EIF3E: variants seen among roughly 807,000 people sequenced by gnomAD.
The protein encoded by EIF3E is eIF-3 p48.
In EIF3E, 25 loss-of-function variants were observed where a neutral mutation model predicts 59.3. The observed-to-expected ratio is 0.42, with a 90% confidence interval of 0.31 to 0.59. The LOEUF (loss-of-function observed/expected upper bound fraction) is 0.59. EIF3E is among the 20% of genes least tolerant of loss of function. The pLI, the probability that EIF3E is intolerant of heterozygous loss-of-function variation, is 0.15. For missense variants in EIF3E, 317 were observed against 534.3 expected, an observed-to-expected ratio of 0.59 and a Z score of 4.01; for synonymous variants, 176 against 170.2, an observed-to-expected ratio of 1.03 and a Z score of -0.26.
At chr8:108,229,047 A>G in intron 6 of EIF3E, 23 bp downstream of exon 6, 1 of 1,586,204 alleles carries the variant, frequency 6.3e-7, no homozygotes, top group African/African-American at 1.3e-5. Flanking sequence ...TTCAGAGAAT[A>G]ACTGTGAAAA....
At chr8:108,203,341 G>A (rs1815031048) in intron 11 of EIF3E, 60 bp downstream of exon 11, 2 of 1,480,758 alleles carry the variant, frequency 1.4e-6, no homozygotes, top group African/African-American at 2.8e-5. Context: ...TCCTAGTTAA[G>A]AATTCCCAAA....
chr8:108,202,573 A>G (rs1283307345), intron 12 of EIF3E, among the ~76,000 whole-genome samples: 1 of 152,038 alleles, frequency 6.6e-6, no homozygotes, highest in East Asian at 1.9e-4. Context: ...GATCAGCACT[A>G]ATACATATAA....
intron 10 of EIF3E, 47 bp downstream of exon 10, chr8:108,214,560 C>T: frequency 2.2e-6 from 3 of 1,366,728 alleles, no homozygotes; most frequent in Admixed American, 2.6e-5. Context: ...TGGAAATTTC[C>T]AGGAATTTTA....
chr8:108,240,218 A>C, intron 2 of EIF3E, 143 bp from the exon 3 acceptor site: 2 of 714,658 alleles, frequency 2.8e-6, no homozygotes, highest in South Asian at 3.1e-5. Context: ...GCCATGGGCT[A>C]CTCAGTCAGA....
At chr8:108,212,392 A>G (rs1815228960) in intron 10 of EIF3E, among the ~76,000 whole-genome samples, 1 of 152,250 alleles carries the variant, frequency 6.6e-6, no homozygotes, top group South Asian at 2.1e-4. Context: ...TTCAGATATA[A>G]AACATTTCTA....
intron 3 of EIF3E, among the ~76,000 whole-genome samples, chr8:108,236,986 C>T (rs1362885277): frequency 1.3e-5 from 2 of 151,902 alleles, no homozygotes; most frequent in Non-Finnish European, 1.5e-5. Flanking sequence ...GGCACCACTG[C>T]ACTCCAGCCT....
chr8:108,213,621 A>C (rs576174829), intron 10 of EIF3E, among the ~76,000 whole-genome samples: 1 of 152,330 alleles, frequency 6.6e-6, no homozygotes, highest in Non-Finnish European at 1.5e-5. Context: ...GCAAGAATTC[A>C]GTTACTACTA....
intron 4 of EIF3E, among the ~76,000 whole-genome samples, chr8:108,235,740 C>CA: frequency 6.6e-6 from 1 of 152,196 alleles, no homozygotes; most frequent in Non-Finnish European, 1.5e-5. Context: ...TATTGTGTTC[C>CA]ACAAGGCAGC....
intron 5 of EIF3E, among the ~76,000 whole-genome samples, chr8:108,229,926 C>G (rs368919221): frequency 6.6e-6 from 1 of 152,116 alleles, no homozygotes; most frequent in Non-Finnish European, 1.5e-5. Flanking sequence ...AGGGCCATCC[C>G]TACCTCTTCT....
intron 7 of EIF3E, chr8:108,221,473 A>G (rs759750414): frequency 1.3e-5 from 2 of 152,196 alleles, no homozygotes; most frequent in African/African-American, 4.8e-5. Context: ...ATGTGGATGT[A>G]TATTATTAGC....
chr8:108,216,660 T>C, intron 8 of EIF3E, 147 bp from the exon 9 acceptor site: 1 of 629,436 alleles, frequency 1.6e-6, no homozygotes, highest in Non-Finnish European at 2.7e-6. Context: ...CAATTGTTCC[T>C]ATCCTGATTC....
At chr8:108,201,991 G>C (rs544758305) in intron 12 of EIF3E, 68 bp from the exon 13 acceptor site, 6 of 1,404,378 alleles carry the variant, frequency 4.3e-6, no homozygotes, top group Non-Finnish European at 5.8e-6. Flanking sequence ...TAACATAGAA[G>C]AAAGTAACAC....
chr8:108,232,428 G>A lies in EIF3E; in HGVS notation c.471+2570C>T, dbSNP rs188797009. On this transcript the variant is annotated intron_variant, in intron 5 of 12. Coordinates refer to ENST00000220849, the MANE Select transcript of EIF3E (RefSeq NM_001568.3). ...ATCACTTAATCAAAATATCATTTGA[G>A]TTCCAGCACAAGATTTGTTAGGGGC... 3.9e-5 allele frequency among the ~76,000 whole-genome samples: 6 copies of A among 152,180 alleles called. No individual in the cohort carries two copies. In the East Asian group the frequency reaches 1.2e-3, roughly 29 times the overall value.
intron 3 of EIF3E, among the ~76,000 whole-genome samples, chr8:108,238,034 A>G (rs1815767102): frequency 6.6e-6 from 1 of 152,236 alleles, no homozygotes; most frequent in East Asian, 1.9e-4. Flanking sequence ...TGGTGAACAC[A>G]TGTACATTCA....
At chr8:108,220,406 C>A (rs1016191842) in intron 7 of EIF3E, among the ~76,000 whole-genome samples, 3 of 152,184 alleles carry the variant, frequency 2.0e-5, no homozygotes, top group African/African-American at 7.2e-5. Flanking sequence ...ATAATTTGAA[C>A]TTGGAAATGC....
chr8:108,218,771 T>C (rs1563630527), intron 7 of EIF3E, among the ~76,000 whole-genome samples: 1 of 144,024 alleles, frequency 6.9e-6, no homozygotes, highest in Non-Finnish European at 1.5e-5. Context: ...TTTTATTTTT[T>C]TATTTTATTT....
In EIF3E at chr8:108,246,716, C is replaced by T. The variant is rs78756680; in HGVS notation, c.90+1897G>A. ...GCTACCCCTGAAACAGCAAGACCAA[C>T]CCCTCCTTTTACTCCTCCTCCTCAG... On this transcript the variant is annotated intron_variant, in intron 1 of 12. Transcript: ENST00000220849. Among the ~76,000 whole-genome samples the T allele has an allele frequency of 8.7e-3, 1,330 of 152,256 alleles. 17 individuals carry two copies. The highest frequency in any genetic ancestry group is 0.03 in the African/African-American group (1,237 of 41,526).
intron 7 of EIF3E, among the ~76,000 whole-genome samples, chr8:108,218,392 C>T (rs562744784): frequency 2.6e-5 from 4 of 152,246 alleles, no homozygotes; most frequent in African/African-American, 9.6e-5. Flanking sequence ...CTTCTAAGTT[C>T]CCCCAGGCAA....
rs1015924541 is a variant in EIF3E at position 108,229,253 on chromosome 8, G to A, written c.472-58C>T. ...AATACTCTTGAAAAATGAACATAATGTATGTTTTATACCCATGTATCCCTC... is the reference window on the plus strand; with the variant it reads ...AATACTCTTGAAAAATGAACATAATATATGTTTTATACCCATGTATCCCTC... On this transcript the variant is annotated intron_variant, in intron 5 of 12. Coordinates refer to ENST00000220849, the MANE Select transcript of EIF3E (RefSeq NM_001568.3). The A allele has an allele frequency of 1.2e-5, 18 of 1,559,280 alleles. 2 individuals are homozygous for A. The highest frequency in any genetic ancestry group is 8.1e-5 in the South Asian group (7 of 86,432).
Sources: allele counts gnomAD v4.1 joint callset (sites outside exome capture counted in the v4.1 genomes callset), GRCh38; gene constraint gnomAD v4.1.1; transcripts MANE v1.5; gene names NCBI Gene and HGNC (gene_info 2026-07-23, HGNC 2026-07-21).